Variants in LSAMP observed in about 807,000 individuals in gnomAD.
LSAMP encodes the protein limbic system-associated membrane protein.
LSAMP carries 7 observed loss-of-function variants against 38.6 expected under a neutral mutation model. That is an observed-to-expected ratio of 0.18 (90% CI 0.10 to 0.34). The LOEUF (loss-of-function observed/expected upper bound fraction) is 0.34. Among genes scored for constraint, LSAMP ranks in the 10% least tolerant of loss-of-function variants. The pLI, the probability that LSAMP is intolerant of heterozygous loss-of-function variation, is 1.00. For synonymous variants in LSAMP, 154 were observed against 166.8 expected (o/e 0.92, Z 0.59); for missense variants, 313 against 420.0 (o/e 0.75, Z 2.23).
chr3:116,241,790 T>C (rs2046538517), intron 1 of LSAMP, among the ~76,000 whole-genome samples: 1 of 152,228 alleles, frequency 6.6e-6, no homozygotes, highest in Non-Finnish European at 1.5e-5. Flanking sequence ...TATTCTCATG[T>C]TGTAGAAGCA....
chr3:116,444,469 C>A (rs150042044), intron 1 of LSAMP, among the ~76,000 whole-genome samples: 312 of 149,858 alleles, frequency 2.1e-3, no homozygotes, highest in African/African-American at 7.2e-3. Context: ...GAGCCATAAT[C>A]CAACAACCTT....
intron 1 of LSAMP, among the ~76,000 whole-genome samples, chr3:116,285,054 G>A (rs2047175279): frequency 6.6e-6 from 1 of 152,262 alleles, no homozygotes; most frequent in Admixed American, 6.5e-5. Flanking sequence ...AACAAAGAAA[G>A]CAAAGGTCTA....
chr3:116,252,188 G>A (rs1455317373), intron 1 of LSAMP, among the ~76,000 whole-genome samples: 1 of 152,178 alleles, frequency 6.6e-6, no homozygotes, highest in Non-Finnish European at 1.5e-5. Context: ...GTGTGCCAAT[G>A]TGCACCTAGT....
At chr3:116,331,689 A>T (rs1453172757) in intron 1 of LSAMP, among the ~76,000 whole-genome samples, 2 of 152,206 alleles carry the variant, frequency 1.3e-5, no homozygotes, top group African/African-American at 4.8e-5. Flanking sequence ...GTAAAATGAA[A>T]GGACACCAGA....
chr3:116,327,409 C>CT (rs35745091), intron 1 of LSAMP, among the ~76,000 whole-genome samples: 2 of 151,454 alleles, frequency 1.3e-5, no homozygotes, highest in Non-Finnish European at 2.9e-5. Context: ...ATTCTTCTTA[C>CT]TTTTTTTTTA....
intron 1 of LSAMP, among the ~76,000 whole-genome samples, chr3:116,160,330 C>T (rs1308932514): frequency 2.7e-5 from 4 of 145,884 alleles, no homozygotes; most frequent in African/African-American, 5.0e-5. Flanking sequence ...ACCCGGGAGG[C>T]GGAGGATGCA....
chr3:116,294,956 T>G (rs1282293588), intron 1 of LSAMP, among the ~76,000 whole-genome samples: 1 of 152,200 alleles, frequency 6.6e-6, no homozygotes, highest in Non-Finnish European at 1.5e-5. Context: ...CTTACAATCT[T>G]TTCCCAAAGT....
At chr3:115,873,189 A>G (rs1936092563) in intron 3 of LSAMP, among the ~76,000 whole-genome samples, 1 of 151,906 alleles carries the variant, frequency 6.6e-6, no homozygotes, top group African/African-American at 2.4e-5. Flanking sequence ...GGCCAACATG[A>G]CGAAACGCTG....
intron 1 of LSAMP, among the ~76,000 whole-genome samples, chr3:116,196,293 C>T (rs1170439485): frequency 6.6e-6 from 1 of 152,134 alleles, no homozygotes; most frequent in Non-Finnish European, 1.5e-5. Context: ...TAATTCCTGG[C>T]TCTAAGTCTT....
At chr3:115,934,230 G>A (rs1300808319) in intron 3 of LSAMP, among the ~76,000 whole-genome samples, 12 of 150,486 alleles carry the variant, frequency 8.0e-5, no homozygotes. Context: ...CCAGGCTGGA[G>A]TGCAGTGGTG....
At chr3:115,932,389 G>A (rs1937593809) in intron 3 of LSAMP, among the ~76,000 whole-genome samples, 1 of 152,172 alleles carries the variant, frequency 6.6e-6, no homozygotes, top group South Asian at 2.1e-4. Flanking sequence ...ATTTTAGTTA[G>A]GCATGAATGG....
intron 1 of LSAMP, among the ~76,000 whole-genome samples, chr3:116,384,561 C>T (rs2048601549): frequency 6.6e-6 from 1 of 152,044 alleles, no homozygotes; most frequent in Non-Finnish European, 1.5e-5. Context: ...ACCCATTAGC[C>T]TAGGATACAG....
intron 3 of LSAMP, among the ~76,000 whole-genome samples, chr3:115,906,088 A>C (rs1937000842): frequency 6.6e-6 from 1 of 152,166 alleles, no homozygotes; most frequent in Non-Finnish European, 1.5e-5. Flanking sequence ...GCTTCCATCC[A>C]GACTACAGGC....
intron 1 of LSAMP, among the ~76,000 whole-genome samples, chr3:116,308,231 C>T (rs555562103): frequency 6.6e-6 from 1 of 152,074 alleles, no homozygotes; most frequent in South Asian, 2.1e-4. Flanking sequence ...GACAAGCTCC[C>T]TCTAGACAAA....
chr3:116,334,729 C>T lies in LSAMP; in HGVS notation c.155+110148G>A, dbSNP rs574117177. On this transcript the variant is annotated intron_variant, in intron 1 of 6. Transcript: ENST00000490035. ...ATGGAAAAAAAGAAACACTCAACAACTAGAAACTATATCCACATAAGTAAA... is the reference window on the plus strand; with the variant it reads ...ATGGAAAAAAAGAAACACTCAACAATTAGAAACTATATCCACATAAGTAAA... Among the ~76,000 whole-genome samples the T allele has an allele frequency of 3.9e-5, 6 of 152,114 alleles. No homozygotes were observed. In the South Asian group the frequency reaches 1.2e-3, roughly 32 times the overall value.
At chr3:116,184,329 T>C (rs1576417945) in intron 1 of LSAMP, among the ~76,000 whole-genome samples, 1 of 152,032 alleles carries the variant, frequency 6.6e-6, no homozygotes, top group African/African-American at 2.4e-5. Context: ...TTGATAGCTC[T>C]TACTAAGTGG....
At chr3:115,928,617 G>C (rs1305996884) in intron 3 of LSAMP, among the ~76,000 whole-genome samples, 4 of 152,336 alleles carry the variant, frequency 2.6e-5, no homozygotes, top group African/African-American at 9.6e-5. Flanking sequence ...TATAGGATTT[G>C]TTGATTTATT....
At chr3:116,440,136 C>A (rs1029486263) in intron 1 of LSAMP, among the ~76,000 whole-genome samples, 4 of 152,182 alleles carry the variant, frequency 2.6e-5, no homozygotes, top group Non-Finnish European at 5.9e-5. Flanking sequence ...CTGAGTCGTA[C>A]AAACTAAGAG....
chr3:116,053,796 AT>A (rs1197552524), intron 2 of LSAMP, among the ~76,000 whole-genome samples: 1 of 152,168 alleles, frequency 6.6e-6, no homozygotes, highest in Non-Finnish European at 1.5e-5. Flanking sequence ...TGGGAGAGTA[AT>A]AGTCAGTGCT....
Sources: allele counts gnomAD v4.1 joint callset (sites outside exome capture counted in the v4.1 genomes callset), GRCh38; gene constraint gnomAD v4.1.1; transcripts MANE v1.5; gene names NCBI Gene and HGNC (gene_info 2026-07-23, HGNC 2026-07-21).